The following CCDC146 variants were observed in gnomAD, a reference collection of about 807,000 sequenced individuals.
The protein encoded by CCDC146 is coiled-coil domain-containing protein 146.
In CCDC146, 92 loss-of-function variants were observed where a neutral mutation model predicts 119.3. The observed-to-expected ratio is 0.77, with a 90% CI of 0.65 to 0.92. CCDC146 has a LOEUF of 0.92. CCDC146 is among the 40% of genes least tolerant of loss of function. CCDC146 has a pLI of 0.00. For synonymous variants in CCDC146, 372 were observed against 371.8 expected (o/e 1.00, Z -0.01); for missense variants, 1,000 against 1,103.0 (o/e 0.91, Z 1.32).
intron 2 of CCDC146, among the ~76,000 whole-genome samples, chr7:77,191,711 A>G (rs536466283): frequency 1.3e-5 from 2 of 152,012 alleles, no homozygotes; most frequent in Non-Finnish European, 2.9e-5. Flanking sequence ...GATCGAGACC[A>G]TCCTGGCTAA....
At chr7:77,255,688 C>A (rs114169855) in intron 5 of CCDC146, among the ~76,000 whole-genome samples, 2 of 152,110 alleles carry the variant, frequency 1.3e-5, no homozygotes, top group African/African-American at 4.8e-5. Context: ...GTAAGAGTAA[C>A]GTGTAGACCT....
At chr7:77,236,206 G>A (rs1792733975) in intron 2 of CCDC146, among the ~76,000 whole-genome samples, 1 of 152,126 alleles carries the variant, frequency 6.6e-6, no homozygotes, top group Admixed American at 6.5e-5. Flanking sequence ...TATGATTTTA[G>A]GATGGTAAAA....
intron 5 of CCDC146, chr7:77,255,375 C>T (rs898961722): frequency 3.3e-5 from 5 of 152,118 alleles, no homozygotes; most frequent in Admixed American, 6.5e-5. Context: ...TATTATAGAA[C>T]GTAAATAGAA....
intron 2 of CCDC146, among the ~76,000 whole-genome samples, chr7:77,203,117 G>T (rs1296141555): frequency 6.7e-6 from 1 of 150,104 alleles, no homozygotes; most frequent in African/African-American, 2.4e-5. Context: ...AGCTAGTAGT[G>T]TGGTAGCAGG....
intron 2 of CCDC146, among the ~76,000 whole-genome samples, chr7:77,236,382 C>T (rs796310198): frequency 3.3e-5 from 5 of 152,320 alleles, no homozygotes; most frequent in African/African-American, 1.2e-4. Flanking sequence ...AAAGGCATCA[C>T]GGTACAGGGG....
chr7:77,206,539 A>G (rs950103547), intron 2 of CCDC146, among the ~76,000 whole-genome samples: 1 of 151,926 alleles, frequency 6.6e-6, no homozygotes, highest in Non-Finnish European at 1.5e-5. Flanking sequence ...AGGCTGAGGC[A>G]GGAAAATCGC....
At chr7:77,209,216 T>A (rs1410729429) in intron 2 of CCDC146, among the ~76,000 whole-genome samples, 5 of 152,224 alleles carry the variant, frequency 3.3e-5, no homozygotes, top group African/African-American at 1.2e-4. Flanking sequence ...ACTTCCAAGA[T>A]ACATGGGAGC....
intron 1 of CCDC146, among the ~76,000 whole-genome samples, chr7:77,159,175 A>T (rs887418336): frequency 2.0e-5 from 3 of 152,102 alleles, no homozygotes; most frequent in African/African-American, 4.8e-5. Context: ...TTATCATAAG[A>T]TCTAATCTCT....
chr7:77,236,135 G>T (rs565879732), intron 2 of CCDC146, among the ~76,000 whole-genome samples: 1 of 151,654 alleles, frequency 6.6e-6, no homozygotes, highest in Non-Finnish European at 1.5e-5. Context: ...ATTCTCTTTA[G>T]TTCTATTTTG....
intron 4 of CCDC146, among the ~76,000 whole-genome samples, chr7:77,242,967 G>T (rs1792878191): frequency 6.6e-6 from 1 of 152,060 alleles, no homozygotes; most frequent in South Asian, 2.1e-4. Context: ...AGGTTTTTTT[G>T]TCTTTCAATC....
At chr7:77,133,400 G>T (rs113607422) in intron 1 of CCDC146, among the ~76,000 whole-genome samples, 3,228 of 152,146 alleles carry the variant, frequency 0.021, 117 homozygotes, top group African/African-American at 0.073. Flanking sequence ...GCCCAGGCTG[G>T]GGTGCAGTGG....
intron 1 of CCDC146, among the ~76,000 whole-genome samples, chr7:77,124,907 C>T (rs1790671663): frequency 1.3e-5 from 2 of 152,096 alleles, no homozygotes; most frequent in Admixed American, 1.3e-4. Context: ...TTTAAATGCT[C>T]CCTGGCCAGG....
chr7:77,241,279 G>A lies in CCDC146; in HGVS notation c.240-412G>A, dbSNP rs1444080846. On this transcript the variant is annotated intron_variant, in intron 3 of 18. Transcript: ENST00000285871. ...TCACTGTGTTAGCCAGAACGGTTTCGATCTCCTGACCTTGTGATCCGCCTG... is the reference window on the plus strand; with the variant it reads ...TCACTGTGTTAGCCAGAACGGTTTCAATCTCCTGACCTTGTGATCCGCCTG... 3.2e-5 allele frequency among the ~76,000 whole-genome samples: 3 copies of A among 93,860 alleles called. 1 individual carries two copies. The highest frequency in any genetic ancestry group is 2.5e-4 in the East Asian group (1 of 3,942). 61.6% of individuals were successfully genotyped at this position (93,860 alleles called of 152,430 possible).
intron 7 of CCDC146, 69 bp downstream of exon 7, chr7:77,259,137 A>AC: frequency 1.1e-6 from 1 of 908,168 alleles, no homozygotes; most frequent in Non-Finnish European, 1.8e-6. Context: ...GAACAAGAGT[A>AC]CTAACCATTG....
chr7:77,232,348 G>A (rs1054067530), intron 2 of CCDC146, among the ~76,000 whole-genome samples: 3 of 152,146 alleles, frequency 2.0e-5, no homozygotes, highest in Non-Finnish European at 2.9e-5. Flanking sequence ...GGTCACAGCC[G>A]TGGGCTTTTC....
At chr7:77,173,191 C>T (rs1487346570) in intron 2 of CCDC146, among the ~76,000 whole-genome samples, 1 of 152,044 alleles carries the variant, frequency 6.6e-6, no homozygotes, top group African/African-American at 2.4e-5. Context: ...ATTCTGCACA[C>T]TTATCCCTTT....
In CCDC146 at chr7:77,256,960, C is replaced by T. The variant is rs779258918; in HGVS notation, c.684+451C>T. On this transcript the variant is annotated intron_variant, in intron 6 of 18. Transcript: ENST00000285871. ...CTCTACTAAAAATACAAAAATTAGC[C>T]GGGTGTGTGATGGTGGATGCCTCTA... Among the ~76,000 whole-genome samples the T allele has an allele frequency of 5.7e-4, 87 of 152,130 alleles. 1 individual carries two copies. Among genetic ancestry groups the T allele is most frequent in the East Asian group, 2.1e-3 (11 of 5,174 alleles).
chr7:77,203,755 A>G (rs1048822548), intron 2 of CCDC146, among the ~76,000 whole-genome samples: 1 of 152,154 alleles, frequency 6.6e-6, no homozygotes, highest in Non-Finnish European at 1.5e-5. Flanking sequence ...TACTACCCTG[A>G]ATCTGTCCTT....
In CCDC146 at chr7:77,241,908, C is replaced by CA; in HGVS notation, c.449+9dup. ...TCAGTACAGATTAAATAGGTAAGTG[C>CA]ACAGTTCTCTCCGGCACACTGAAAA... On this transcript the variant is annotated intron_variant, in intron 4 of 18. Transcript: ENST00000285871. The CA allele has an allele frequency of 6.3e-7, 1 of 1,590,894 alleles. No homozygotes were observed. The highest frequency in any genetic ancestry group is 8.6e-7 in the Non-Finnish European group (1 of 1,159,244).
Sources: allele counts gnomAD v4.1 joint callset (sites outside exome capture counted in the v4.1 genomes callset), GRCh38; gene constraint gnomAD v4.1.1; transcripts MANE v1.5; gene names NCBI Gene and HGNC (gene_info 2026-07-23, HGNC 2026-07-21).